The following DELE1 variants were observed in gnomAD, a reference collection of about 807,000 sequenced individuals.
DELE1 encodes death ligand signal enhancer.
Under a neutral mutation model 59.3 loss-of-function variants are expected in DELE1, and 54 were observed. The ratio of observed to expected loss-of-function variants is 0.91; its 90% CI spans 0.73 to 1.14. The LOEUF (loss-of-function observed/expected upper bound fraction) is 1.14, where lower values mean the gene tolerates loss of function less well. Ranked by LOEUF, DELE1 falls within the 50% of genes most tolerant of loss-of-function variation. The pLI is 0.00. For synonymous variants in DELE1, 264 were observed against 259.1 expected, an observed-to-expected ratio of 1.02 and a Z score of -0.18; for missense variants, 636 against 643.9, an observed-to-expected ratio of 0.99 and a Z score of 0.13.
rs1752692372 is a variant in DELE1, at chr5:141,940,773, AGCACTGAGT to A, written c.*2018_*2026del. On this transcript the variant is annotated 3_prime_UTR_variant, in exon 12 of 12. Transcript: ENST00000432126. ...CTTGTCTTTGTATTCCAGTGTCCCC[AGCACTGAGT>A]GCAAGGCCCCATGCAGGGTAGGAAA... 11 of 981,372 alleles carry A rather than the reference AGCACTGAGT, an allele frequency of 1.1e-5. No individual in the cohort carries two copies. In the South Asian group the frequency reaches 4.2e-4, roughly 38 times the overall value. The allele number at this position is 981,372 out of a possible 1,614,324, so 60.8% of individuals were successfully genotyped here. A position where few individuals can be genotyped will look rare whatever the true frequency, so the allele number is the denominator to read the frequency against.
intron 10 of DELE1, chr5:141,936,995 C>A: frequency 7.0e-7 from 1 of 1,423,464 alleles, no homozygotes; most frequent in Non-Finnish European, 9.2e-7. Flanking sequence ...GTGGAGGGAT[C>A]CCCCTCTCCT....
Position 141,939,196 on chromosome 5 carries a change from T to C in DELE1, c.*437T>C, listed in dbSNP as rs1752596077. On this transcript the variant is annotated 3_prime_UTR_variant, in exon 12 of 12. Coordinates refer to ENST00000432126, the MANE Select transcript of DELE1 (RefSeq NM_014773.5). ...AGATTTTAGATGGTATTCAAATTAA[T>C]ATTTTCTATTTAGTTATATATTTAA... is the stretch of plus-strand genomic sequence containing the variant. 1.3e-6 allele frequency: 1 copy of C among 755,898 alleles called. No homozygotes were observed. Among genetic ancestry groups the C allele is most frequent in the African/African-American group, 1.9e-5 (1 of 52,416 alleles). The allele number at this position is 755,898 out of a possible 1,614,324, so 46.8% of individuals were successfully genotyped here.
At chr5:141,933,163 G>A (rs1752072969) in intron 7 of DELE1, 96 bp from the exon 8 acceptor site, 3 of 728,204 alleles carry the variant, frequency 4.1e-6, no homozygotes, top group South Asian at 4.4e-5. Flanking sequence ...AAAAAAGAAA[G>A]GGAGGAGGAT....
In DELE1 at chr5:141,934,296, C is replaced by A; in HGVS notation, c.954C>A (p.Arg318=). 1 of 1,614,132 alleles carries A rather than the reference C, an allele frequency of 6.2e-7. No homozygotes were observed. The highest frequency in any genetic ancestry group is 8.5e-7 in the Non-Finnish European group (1 of 1,180,052). ...ASQGHSLAQY[R]YARCLLRDPA... is the part of the protein sequence containing the mutation. ...AGGGCCACAGCCTGGCTCAGTACCG[C>A]TATGCCAGGTGCCTACTACGAGACC... The change falls in exon 9 of 12, where the codon CGC becomes CGA. Residue 318 remains arginine, a synonymous_variant. Coordinates refer to ENST00000432126, the MANE Select transcript of DELE1 (RefSeq NM_014773.5).
Position 141,938,810 on chromosome 5 carries a change from G to T in DELE1, c.*51G>T, listed in dbSNP as rs754465056. 6.5e-7 allele frequency: 1 copy of T among 1,539,146 alleles called. No homozygotes were observed. The highest frequency in any genetic ancestry group is 2.3e-5 in the East Asian group (1 of 43,986). On this transcript the variant is annotated 3_prime_UTR_variant, in exon 12 of 12. Coordinates refer to ENST00000432126, the MANE Select transcript of DELE1 (RefSeq NM_014773.5). Reference sequence around the variant, plus strand: ...GCCTCTTAGGGGCCAGAGCGGGCAGGAGGTTGGATAACAAAAATAGAGCAT... The same window carrying T: ...GCCTCTTAGGGGCCAGAGCGGGCAGTAGGTTGGATAACAAAAATAGAGCAT...
In DELE1 at chr5:141,940,527, G is replaced by T; in HGVS notation, c.*1768G>T. On this transcript the variant is annotated 3_prime_UTR_variant, in exon 12 of 12. Coordinates refer to ENST00000432126, the MANE Select transcript of DELE1 (RefSeq NM_014773.5). ...GATTTGAGGGGGGAAAGTTGTCCAC[G>T]TTTCCCTCTCTGCTTCCCACCCCAT... The T allele has an allele frequency of 5.1e-6, 5 of 985,400 alleles. No individual in the cohort carries two copies. Among genetic ancestry groups the T allele is most frequent in the Non-Finnish European group, 6.0e-6 (5 of 829,942 alleles). The allele number at this position is 985,400 out of a possible 1,614,324, so 61.0% of individuals were successfully genotyped here.
At chr5:141,933,016 A>G (rs2126884687) in intron 7 of DELE1, among the ~76,000 whole-genome samples, 1 of 149,476 alleles carries the variant, frequency 6.7e-6, no homozygotes, top group East Asian at 2.0e-4. Context: ...AATCGTTTGA[A>G]CTCAGGAGGT....
intron 7 of DELE1, among the ~76,000 whole-genome samples, chr5:141,932,048 G>T (rs1751953908): frequency 6.6e-6 from 1 of 152,202 alleles, no homozygotes; most frequent in African/African-American, 2.4e-5. Context: ...GAGGAGACAG[G>T]ACTTGTACTT....
chr5:141,933,376 G>C lies in DELE1; in HGVS notation c.872G>C (p.Arg291Thr). Residue 291 changes from arginine to threonine, a missense_variant, in exon 8 of 12, where the codon AGA (arginine) becomes ACA (threonine). Transcript: ENST00000432126. ...GCGGGCTTGTGTCATGAGCATGGCA[G>C]AGGCACCCCCAGGGACATTAGCAAG... is the stretch of plus-strand genomic sequence containing the variant. ...YNAGLCHEHG[R>T]GTPRDISKAV... 6.6e-7 allele frequency: 1 copy of C among 1,518,508 alleles called. No individual in the cohort carries two copies. The highest frequency in any genetic ancestry group is 9.0e-7 in the Non-Finnish European group (1 of 1,114,718). 94.1% of individuals were successfully genotyped at this position (1,518,508 alleles called of 1,614,324 possible).
At chr5:141,928,059 G>C in intron 3 of DELE1, 92 bp from the exon 4 acceptor site, 1 of 1,455,150 alleles carries the variant, frequency 6.9e-7, no homozygotes, top group Non-Finnish European at 9.3e-7. Context: ...GCCCCACCTG[G>C]ATTTCCTGAG....
Position 141,930,052 on chromosome 5 carries a change from A to C in DELE1, c.635A>C (p.Gln212Pro), listed in dbSNP as rs772346514. 5 of 1,614,074 alleles carry C rather than the reference A, an allele frequency of 3.1e-6. No individual in the cohort carries two copies. Among genetic ancestry groups the C allele is most frequent in the Non-Finnish European group, 2.5e-6 (3 of 1,180,030 alleles). The change falls in exon 6 of 12, where the codon CAG (glutamine) becomes CCG (proline). Residue 212 changes from glutamine (Q) to proline (P), a missense_variant. Transcript: ENST00000432126. ...ATCGAGTCCGAGGCAAAACCAGCCC[A>C]GCCTCAGCCCACTGGTGAAAAGGTA... ...SSIESEAKPAQPQPTGEKEQD... is the reference protein window; with the variant it reads ...SSIESEAKPAPPQPTGEKEQD...
chr5:141,937,816 A>G (rs1218331283), intron 11 of DELE1, among the ~76,000 whole-genome samples: 1 of 150,536 alleles, frequency 6.6e-6, no homozygotes, highest in Non-Finnish European at 1.5e-5. Flanking sequence ...AGTCAAGACA[A>G]ACCTGAGTTT....
intron 8 of DELE1, chr5:141,933,673 T>C (rs1227157883): frequency 4.9e-6 from 1 of 206,128 alleles, no homozygotes; most frequent in Non-Finnish European, 9.6e-6. Context: ...TTTTAAAAAG[T>C]GGGATAAGAA....
At chr5:141,926,157 T>C (rs1811232) in intron 3 of DELE1, among the ~76,000 whole-genome samples, 9,189 of 152,212 alleles carry the variant, frequency 0.06, 928 homozygotes, top group African/African-American at 0.21. Context: ...GGATTACAGC[T>C]GTGAGCCACC....
In DELE1 at chr5:141,928,136, T is replaced by G; in HGVS notation, c.265-15T>G. 1 of 1,611,164 alleles carries G rather than the reference T, an allele frequency of 6.2e-7. No individual in the cohort carries two copies. Among genetic ancestry groups the G allele is most frequent in the South Asian group, 1.1e-5 (1 of 90,756 alleles). ...TTGGTGAAGGACCGTGTCCTTAACG[T>G]GCTGTCTTTCCCAGGGCACTCTGGC... is the stretch of plus-strand genomic sequence containing the variant. On this transcript the variant is annotated splice_polypyrimidine_tract_variant and intron_variant, in intron 3 of 11. Coordinates refer to ENST00000432126, the MANE Select transcript of DELE1 (RefSeq NM_014773.5).
chr5:141,925,699 A>G (rs1340115587), intron 3 of DELE1, among the ~76,000 whole-genome samples, 172 bp downstream of exon 3: 1 of 152,148 alleles, frequency 6.6e-6, no homozygotes, highest in Non-Finnish European at 1.5e-5. Context: ...CACCCCCGCC[A>G]TGTATGTTTT....
chr5:141,930,909 A>T (rs2126879554), intron 7 of DELE1, among the ~76,000 whole-genome samples: 1 of 152,170 alleles, frequency 6.6e-6, no homozygotes, highest in East Asian at 1.9e-4. Context: ...AGAGGCTGGG[A>T]TTCATTCACA....
intron 3 of DELE1, among the ~76,000 whole-genome samples, chr5:141,927,230 T>C (rs1481310000): frequency 6.6e-6 from 1 of 152,204 alleles, no homozygotes; most frequent in African/African-American, 2.4e-5. Flanking sequence ...TGGGTCAACC[T>C]GTGTGTTTTT....
intron 2 of DELE1, 77 bp from the exon 3 acceptor site, chr5:141,925,333 T>C: frequency 1.1e-6 from 1 of 927,988 alleles, no homozygotes; most frequent in South Asian, 1.8e-5. Flanking sequence ...ATTGTTGGGA[T>C]TACAGGTGTG....
Sources: allele counts gnomAD v4.1 joint callset (sites outside exome capture counted in the v4.1 genomes callset), GRCh38; gene constraint gnomAD v4.1.1; transcripts MANE v1.5; gene names NCBI Gene and HGNC (gene_info 2026-07-23, HGNC 2026-07-21).